FCAR: variants seen among roughly 807,000 people sequenced by gnomAD.
The protein encoded by FCAR is Fc alpha receptor.
FCAR carries 21 observed loss-of-function variants against 27.1 expected under a neutral mutation model. The observed-to-expected ratio is 0.77, with a 90% CI of 0.55 to 1.11. The LOEUF (loss-of-function observed/expected upper bound fraction) is 1.11, where lower values mean the gene tolerates loss of function less well. FCAR is among the 50% of genes most tolerant of loss of function. FCAR has a pLI of 0.00. For synonymous variants in FCAR, 134 were observed against 135.8 expected, an observed-to-expected ratio of 0.99 and a Z score of 0.09; for missense variants, 404 against 358.4, an observed-to-expected ratio of 1.13 and a Z score of -1.03.
At chr19:54,887,941 T>TAAG in intron 3 of FCAR, 66 bp from the exon 4 acceptor site, 1 of 1,235,878 alleles carries the variant, frequency 8.1e-7, no homozygotes, top group Non-Finnish European at 1.1e-6. Flanking sequence ...ATAATAACAA[T>TAAG]AATAAGAAGA....
intron 1 of FCAR, among the ~76,000 whole-genome samples, chr19:54,875,121 A>G (rs982836476): frequency 1.3e-5 from 2 of 151,972 alleles, no homozygotes; most frequent in Admixed American, 6.6e-5. Context: ...CAGTGAGCCA[A>G]GATCATGCCA....
chr19:54,878,619 C>G (rs1435148491), intron 2 of FCAR, among the ~76,000 whole-genome samples: 3 of 151,886 alleles, frequency 2.0e-5, no homozygotes. Context: ...TTCCGACTTC[C>G]GTGGCCACTG....
At chr19:54,884,031 G>T (rs139751710) in intron 2 of FCAR, among the ~76,000 whole-genome samples, 68 of 152,348 alleles carry the variant, frequency 4.5e-4, no homozygotes, top group South Asian at 1.2e-3. Context: ...GGTCTGCAGC[G>T]CTGGAAGACC....
chr19:54,888,662 C>T (rs1050847129), intron 4 of FCAR: 1 of 593,790 alleles, frequency 1.7e-6, no homozygotes, highest in Non-Finnish European at 2.2e-6. Flanking sequence ...ATTCTCCTGC[C>T]TCAGCCTCCT....
chr19:54,883,814 A>G (rs374647328), intron 2 of FCAR, among the ~76,000 whole-genome samples: 334 of 152,136 alleles, frequency 2.2e-3, no homozygotes, highest in African/African-American at 7.7e-3. Context: ...AAAATTAGCC[A>G]GGCGTGGTGG....
intron 1 of FCAR, among the ~76,000 whole-genome samples, chr19:54,874,571 T>C (rs997745793): frequency 5.9e-5 from 9 of 152,098 alleles, no homozygotes; most frequent in African/African-American, 2.2e-4. Context: ...TTCATGATGG[T>C]CCCAAGGTTC....
intron 2 of FCAR, among the ~76,000 whole-genome samples, chr19:54,884,098 C>T (rs2145895884): frequency 6.6e-6 from 1 of 152,354 alleles, no homozygotes; most frequent in East Asian, 1.9e-4. Flanking sequence ...TCACCCACTT[C>T]ACCATCTGGG....
Position 54,890,069 on chromosome 19 carries a change from T to C in FCAR, c.*206T>C. 1 of 587,276 alleles carries C rather than the reference T, an allele frequency of 1.7e-6. No individual in the cohort carries two copies. Among genetic ancestry groups the C allele is most frequent in the Non-Finnish European group, 3.0e-6 (1 of 329,900 alleles). The allele number at this position is 587,276 out of a possible 1,614,324, so 36.4% of individuals were successfully genotyped here. On this transcript the variant is annotated 3_prime_UTR_variant, in exon 5 of 5. Transcript: ENST00000355524. ...CTTGGGTTCAAGTGATTCTTGTGCC[T>C]CAGCCTCCCAAGTAGCTGGAATTAC...
rs117639874 is a variant in FCAR at position 54,890,622 on chromosome 19, G to C, written c.*759G>C. On this transcript the variant is annotated 3_prime_UTR_variant, in exon 5 of 5. Transcript: ENST00000355524. ...TTACAGTATTTTTAGTAGAGACGGG[G>C]TTTCATCACATTGGCCAAGCTGGTC... 1.3e-5 allele frequency: 2 copies of C among 151,914 alleles called. No individual in the cohort carries two copies. The highest frequency in any genetic ancestry group is 4.2e-4 in the South Asian group (2 of 4,804). The allele number at this position is 151,914 out of a possible 1,614,324, so 9.4% of individuals were successfully genotyped here. A position where few individuals can be genotyped will look rare whatever the true frequency, so the allele number is the denominator to read the frequency against.
At chr19:54,886,299 TTA>T (rs1260092411) in intron 3 of FCAR, among the ~76,000 whole-genome samples, 20,628 of 46,678 alleles carry the variant, frequency 0.44, 4,101 homozygotes, top group African/African-American at 0.5. Flanking sequence ...TCATGTATCT[TTA>T]TTTTTTTTTT....
intron 1 of FCAR, 73 bp from the exon 2 acceptor site, chr19:54,875,257 G>T: frequency 7.6e-7 from 1 of 1,307,420 alleles, no homozygotes; most frequent in Non-Finnish European, 1.1e-6. Context: ...TTTCTGGTCT[G>T]TCATTACAGA....
chr19:54,876,900 A>G (rs1191824981), intron 2 of FCAR, among the ~76,000 whole-genome samples: 1 of 152,290 alleles, frequency 6.6e-6, no homozygotes, highest in East Asian at 1.9e-4. Flanking sequence ...CAGCCTGGGC[A>G]ACAGAGCGAG....
intron 2 of FCAR, among the ~76,000 whole-genome samples, chr19:54,881,085 G>A (rs1450884079): frequency 1.3e-5 from 2 of 152,222 alleles, no homozygotes; most frequent in East Asian, 3.8e-4. Context: ...GGGCAGCAGG[G>A]GAAGGGACCT....
intron 3 of FCAR, among the ~76,000 whole-genome samples, chr19:54,885,972 C>T (rs970577399): frequency 1.3e-4 from 19 of 150,762 alleles, no homozygotes; most frequent in African/African-American, 3.7e-4. Flanking sequence ...AATCGCTGGG[C>T]GCGGTGGCTC....
intron 4 of FCAR, chr19:54,888,699 T>C: frequency 1.7e-6 from 1 of 581,500 alleles, no homozygotes; most frequent in Non-Finnish European, 2.2e-6. Context: ...ACAGACAGGG[T>C]TTCACCATGT....
At position 54,889,908 on chromosome 19, in the gene FCAR, G is replaced by C; in HGVS notation, c.*45G>C. On this transcript the variant is annotated 3_prime_UTR_variant, in exon 5 of 5. Coordinates refer to ENST00000355524, the MANE Select transcript of FCAR (RefSeq NM_002000.4). ...GAGAGGAGCCAGGACTGTGGAGTCC[G>C]ACAAAGCTACTTGAAGGACACAAGA... is the stretch of plus-strand genomic sequence containing the variant. The C allele has an allele frequency of 2.9e-6, 4 of 1,373,496 alleles. No homozygotes were observed. The highest frequency in any genetic ancestry group is 4.1e-6 in the Non-Finnish European group (4 of 979,356). 85.1% of individuals were successfully genotyped at this position (1,373,496 alleles called of 1,614,324 possible).
chr19:54,877,330 G>C (rs1325195064), intron 2 of FCAR, among the ~76,000 whole-genome samples: 1 of 152,152 alleles, frequency 6.6e-6, no homozygotes, highest in South Asian at 2.1e-4. Flanking sequence ...GATCTCAGGA[G>C]GGTGTATGTG....
At position 54,889,910 on chromosome 19, in the gene FCAR, C is replaced by A; in HGVS notation, c.*47C>A. Reference sequence around the variant, plus strand: ...GAGGAGCCAGGACTGTGGAGTCCGACAAAGCTACTTGAAGGACACAAGAGA... The same window carrying A: ...GAGGAGCCAGGACTGTGGAGTCCGAAAAAGCTACTTGAAGGACACAAGAGA... On this transcript the variant is annotated 3_prime_UTR_variant, in exon 5 of 5. Coordinates refer to ENST00000355524, the MANE Select transcript of FCAR (RefSeq NM_002000.4). 4 of 1,346,378 alleles carry A rather than the reference C, an allele frequency of 3.0e-6. No homozygotes were observed. Among genetic ancestry groups the A allele is most frequent in the African/African-American group, 2.9e-5 (2 of 69,468 alleles). 83.4% of individuals were successfully genotyped at this position (1,346,378 alleles called of 1,614,324 possible). A position where few individuals can be genotyped will look rare whatever the true frequency, so the allele number is the denominator to read the frequency against.
At chr19:54,876,749 C>G (rs1040933894) in intron 2 of FCAR, among the ~76,000 whole-genome samples, 1 of 152,122 alleles carries the variant, frequency 6.6e-6, no homozygotes, top group Non-Finnish European at 1.5e-5. Context: ...GAAACCTCGT[C>G]TATACTAAAA....
Sources: allele counts gnomAD v4.1 joint callset (sites outside exome capture counted in the v4.1 genomes callset), GRCh38; gene constraint gnomAD v4.1.1; transcripts MANE v1.5; gene names NCBI Gene and HGNC (gene_info 2026-07-23, HGNC 2026-07-21).